The following ATP11A variants were observed in gnomAD, a reference collection of about 807,000 sequenced individuals.
ATP11A encodes the protein ATPase phospholipid transporting 11A.
Under a neutral mutation model 154.4 loss-of-function variants are expected in ATP11A, and 81 were observed. That is an observed-to-expected ratio of 0.52 (90% CI 0.44 to 0.63). The LOEUF is 0.63. Among genes scored for constraint, ATP11A ranks in the 30% least tolerant of loss-of-function variants. The pLI, the probability that ATP11A is intolerant of heterozygous loss-of-function variation, is 0.00. For missense variants in ATP11A, 1,316 were observed against 1,474.3 expected, an observed-to-expected ratio of 0.89 and a Z score of 1.76; for synonymous variants, 623 against 585.9, an observed-to-expected ratio of 1.06 and a Z score of -0.91.
intron 1 of ATP11A, among the ~76,000 whole-genome samples, chr13:112,772,356 G>C (rs560258154): frequency 2.6e-5 from 4 of 152,352 alleles, no homozygotes; most frequent in African/African-American, 9.6e-5. Context: ...GGGCCATGTG[G>C]CTGGAAGCAG....
intron 1 of ATP11A, among the ~76,000 whole-genome samples, chr13:112,761,755 C>T (rs1334716688): frequency 1.3e-5 from 2 of 152,174 alleles, no homozygotes; most frequent in East Asian, 1.9e-4. Flanking sequence ...AAGGGGGTTG[C>T]TGCACCCACA....
intron 1 of ATP11A, among the ~76,000 whole-genome samples, chr13:112,734,481 G>T (rs748413878): frequency 6.6e-6 from 1 of 152,060 alleles, no homozygotes; most frequent in Non-Finnish European, 1.5e-5. Context: ...GTGAGTCTGG[G>T]CAGAAATTGG....
At chr13:112,818,594 C>A (rs1157784864) in intron 6 of ATP11A, among the ~76,000 whole-genome samples, 1 of 152,210 alleles carries the variant, frequency 6.6e-6, no homozygotes, top group African/African-American at 2.4e-5. Flanking sequence ...GCCCTCATGC[C>A]CACCTCAGGT....
At chr13:112,853,550 A>C (rs2079837251) in intron 18 of ATP11A, among the ~76,000 whole-genome samples, 1 of 152,184 alleles carries the variant, frequency 6.6e-6, no homozygotes, top group Non-Finnish European at 1.5e-5. Flanking sequence ...TTGACCCCAG[A>C]TCTCCCAAGG....
chr13:112,854,552 C>T (rs369945067), intron 19 of ATP11A, 22 bp downstream of exon 19: 7 of 1,593,974 alleles, frequency 4.4e-6, no homozygotes, highest in South Asian at 2.2e-5. Flanking sequence ...GTCCCCGCCC[C>T]CACCCCCACA....
chr13:112,878,004 G>C (rs1467140462), intron 28 of ATP11A, among the ~76,000 whole-genome samples: 1 of 152,178 alleles, frequency 6.6e-6, no homozygotes, highest in Non-Finnish European at 1.5e-5. Context: ...AAAGCAGGGG[G>C]TGGGAGGGGC....
At chr13:112,839,387 A>C (rs1047073059) in intron 16 of ATP11A, among the ~76,000 whole-genome samples, 1 of 152,104 alleles carries the variant, frequency 6.6e-6, no homozygotes, top group Admixed American at 6.5e-5. Flanking sequence ...TGCTTCCTTG[A>C]TGCCCTTTTT....
In ATP11A at chr13:112,803,139, T is replaced by C. The variant is rs570269131; in HGVS notation, c.163-1818T>C. On this transcript the variant is annotated intron_variant, in intron 2 of 29. Transcript: ENST00000375645. ...GTGAAAGGTAAAATCACTTTGTAAATGTGAATTAGAATAGAAAATGGAAAT... is the reference window on the plus strand; with the variant it reads ...GTGAAAGGTAAAATCACTTTGTAAACGTGAATTAGAATAGAAAATGGAAAT... Among the ~76,000 whole-genome samples the C allele has an allele frequency of 7.2e-5, 11 of 152,308 alleles. No individual in the cohort carries two copies. In the South Asian group the frequency reaches 2.1e-3, roughly 29 times the overall value.
chr13:112,768,825 G>T (rs2077159481), intron 1 of ATP11A, among the ~76,000 whole-genome samples: 2 of 152,214 alleles, frequency 1.3e-5, no homozygotes, highest in South Asian at 4.1e-4. Flanking sequence ...GAGGTCGGGT[G>T]CTGAGGCTTG....
At chr13:112,740,306 A>G (rs776818608) in intron 1 of ATP11A, among the ~76,000 whole-genome samples, 2 of 152,044 alleles carry the variant, frequency 1.3e-5, no homozygotes, top group Non-Finnish European at 2.9e-5. Context: ...CCTCCTGAGT[A>G]GCTGGGATTA....
chr13:112,816,658 C>T (rs1397855455), intron 6 of ATP11A, among the ~76,000 whole-genome samples: 2 of 152,150 alleles, frequency 1.3e-5, no homozygotes, highest in East Asian at 1.9e-4. Context: ...CTCTAGTCCT[C>T]GTGTTGTACG....
At chr13:112,691,682 A>G (rs956272924) in intron 1 of ATP11A, among the ~76,000 whole-genome samples, 8 of 152,132 alleles carry the variant, frequency 5.3e-5, no homozygotes, top group African/African-American at 1.9e-4. Context: ...CTTTCCCGGC[A>G]TAGGAATTAC....
At chr13:112,837,898 G>A (rs1197719753) in intron 16 of ATP11A, among the ~76,000 whole-genome samples, 1 of 152,066 alleles carries the variant, frequency 6.6e-6, no homozygotes, top group African/African-American at 2.4e-5. Flanking sequence ...GGGGTGGGCA[G>A]CAGCCTCAGG....
At chr13:112,703,560 A>G (rs1435991102) in intron 1 of ATP11A, among the ~76,000 whole-genome samples, 1 of 152,240 alleles carries the variant, frequency 6.6e-6, no homozygotes, top group African/African-American at 2.4e-5. Flanking sequence ...AATAGATGAC[A>G]GAAGCATGTT....
At chr13:112,739,522 G>T (rs1414707065) in intron 1 of ATP11A, among the ~76,000 whole-genome samples, 1 of 152,224 alleles carries the variant, frequency 6.6e-6, no homozygotes, top group Non-Finnish European at 1.5e-5. Flanking sequence ...TGCTGGTTTG[G>T]AATGTAAAAT....
rs9549573 is a variant in ATP11A at position 112,854,525 on chromosome 13, G to C, written c.2238G>C (p.Leu746=). 1,011,340 of 1,607,394 alleles carry C rather than the reference G, an allele frequency of 0.63. 324,341 individuals are homozygous for C. Among genetic ancestry groups the C allele is most frequent in the African/African-American group, 0.93 (69,359 of 74,966 alleles). ...RHSGSLTRDN[L]SGLSADMQDY... ...GCGGGAGCCTGACCAGAGACAACCT[G>C]TCCGGGTAGGCAGCGCGTCCCCGCC... The change falls in exon 19 of 30, where the codon CTG becomes CTC. Residue 746 remains leucine, a synonymous_variant. Transcript: ENST00000375645.
In ATP11A at chr13:112,744,360, G is replaced by C. The variant is rs1260632771; in HGVS notation, c.40-40775G>C. On this transcript the variant is annotated intron_variant, in intron 1 of 29. Transcript: ENST00000375645. The stretch of plus-strand genomic sequence containing the variant: ...GGATTTTTCTTTCCTCCCGGCACCC[G>C]GCTTCGGATGGTCTGGGAGGGTGTG... Among the ~76,000 whole-genome samples, 3 of 151,488 alleles carry C rather than the reference G, an allele frequency of 2.0e-5. No homozygotes were observed. The South Asian group carries it at 6.2e-4, about 31-fold the overall frequency.
chr13:112,766,035 T>C (rs965777395), intron 1 of ATP11A, among the ~76,000 whole-genome samples: 4 of 152,158 alleles, frequency 2.6e-5, no homozygotes, highest in African/African-American at 9.7e-5. Context: ...CGGATCCCCC[T>C]GTCACGGGTT....
chr13:112,733,062 C>T (rs548087127), intron 1 of ATP11A, among the ~76,000 whole-genome samples: 32 of 152,288 alleles, frequency 2.1e-4, no homozygotes, highest in Non-Finnish European at 3.7e-4. Flanking sequence ...TGTTTTTGTT[C>T]TAAAAATACA....
Sources: gnomAD v4.1 joint callset for allele counts (sites outside exome capture counted in the v4.1 genomes callset) on GRCh38, gnomAD v4.1.1 for gene constraint, MANE v1.5 for transcripts, NCBI Gene and HGNC (gene_info 2026-07-23, HGNC 2026-07-21) for gene names.